ABCG2: variants seen among roughly 807,000 people sequenced by gnomAD.
ABCG2 encodes the protein broad substrate specificity ATP-binding cassette transporter ABCG2.
In ABCG2, 80 loss-of-function variants were observed where a neutral mutation model predicts 73.5. The ratio of observed to expected loss-of-function variants is 1.09; its 90% CI spans 0.91 to 1.31. The LOEUF (loss-of-function observed/expected upper bound fraction) is 1.31. Ranked by LOEUF, ABCG2 falls within the 50% of genes most tolerant of loss-of-function variation. The probability of loss-of-function intolerance (pLI) is 0.00; values close to 1 mark genes in which losing one functional copy is unlikely to be tolerated. For missense variants in ABCG2, 796 were observed against 786.2 expected (o/e 1.01, Z -0.15); for synonymous variants, 269 against 282.4 (o/e 0.95, Z 0.48).
intron 1 of ABCG2, among the ~76,000 whole-genome samples, chr4:88,184,810 G>T (rs151297142): frequency 0.014 from 2,057 of 152,286 alleles, 23 homozygotes; most frequent in Non-Finnish European, 0.021. Context: ...ATAGTACAGA[G>T]CTATAATAAC....
chr4:88,158,956 G>T (rs1228782496), upstream of ABCG2: 2 of 347,706 alleles, frequency 5.8e-6, no homozygotes, highest in Non-Finnish European at 5.6e-6. Flanking sequence ...CGGGGTTCGC[G>T]GGCGGGGGTG....
chr4:88,110,255 G>T (rs894624806), intron 9 of ABCG2, among the ~76,000 whole-genome samples: 12 of 151,688 alleles, frequency 7.9e-5, no homozygotes, highest in African/African-American at 2.9e-4. Flanking sequence ...TTAAGATAGG[G>T]TCTTGGCCAG....
At chr4:88,153,636 A>T (rs55786813) in intron 1 of ABCG2, among the ~76,000 whole-genome samples, 19,223 of 152,034 alleles carry the variant, frequency 0.13, 1,449 homozygotes, top group Middle Eastern at 0.17. Context: ...TGAACCGTAT[A>T]GAGGTGGGAA....
chr4:88,229,813 A>G (rs1730379593), intron 1 of ABCG2, among the ~76,000 whole-genome samples: 1 of 152,106 alleles, frequency 6.6e-6, no homozygotes, highest in African/African-American at 2.4e-5. Flanking sequence ...GTTTGGGACA[A>G]GGAACATACT....
At chr4:88,181,621 A>G (rs1728256972) in intron 1 of ABCG2, among the ~76,000 whole-genome samples, 2 of 151,922 alleles carry the variant, frequency 1.3e-5, no homozygotes, top group Non-Finnish European at 1.5e-5. Context: ...CTCCCAGCTA[A>G]TCAGAAGGCT....
At chr4:88,197,591 T>G (rs1342565857) in intron 1 of ABCG2, among the ~76,000 whole-genome samples, 2 of 152,102 alleles carry the variant, frequency 1.3e-5, no homozygotes, top group Admixed American at 6.6e-5. Context: ...CACTCCAGCC[T>G]GAGCAACAAA....
At chr4:88,093,913 T>C (rs1040348854) in intron 15 of ABCG2, among the ~76,000 whole-genome samples, 5 of 152,236 alleles carry the variant, frequency 3.3e-5, no homozygotes, top group African/African-American at 2.4e-5. Context: ...TTTAACATTA[T>C]GTGAAAACGG....
chr4:88,147,016 G>GGAAAGAAAGAAA (rs58050208), intron 1 of ABCG2, among the ~76,000 whole-genome samples: 1,808 of 125,228 alleles, frequency 0.014, 45 homozygotes, highest in African/African-American at 0.026. Flanking sequence ...AGAAAGAAAA[G>GGAAAGAAAGAAA]GAAAGAAAGA....
intron 1 of ABCG2, among the ~76,000 whole-genome samples, chr4:88,224,072 A>G (rs942527784): frequency 2.6e-5 from 4 of 152,156 alleles, no homozygotes; most frequent in Admixed American, 6.6e-5. Context: ...GTTAAGCTGT[A>G]GGAGTTCTTT....
chr4:88,144,269 C>A (rs562437907), intron 1 of ABCG2, among the ~76,000 whole-genome samples: 1 of 152,110 alleles, frequency 6.6e-6, no homozygotes, highest in Non-Finnish European at 1.5e-5. Flanking sequence ...CCAGCCGATT[C>A]ATGTTATTTG....
intron 12 of ABCG2, 23 bp from the exon 13 acceptor site, chr4:88,097,630 A>T (rs562736486): frequency 9.3e-6 from 15 of 1,612,316 alleles, no homozygotes; most frequent in Non-Finnish European, 1.3e-5. Context: ...GAGAAGAAGT[A>T]GTTAACCCAA....
intron 9 of ABCG2, among the ~76,000 whole-genome samples, chr4:88,111,628 G>A (rs1036953954): frequency 7.9e-5 from 12 of 151,954 alleles, no homozygotes; most frequent in East Asian, 1.9e-4. Context: ...AAGTTTAAAC[G>A]TCAGTAATAT....
At position 88,121,711 on chromosome 4, in the gene ABCG2, A is replaced by G. The variant is rs1226230338; in HGVS notation, c.613T>C (p.Ser205Pro). The change falls in exon 6 of 16, where the codon TCC becomes CCC. Residue 205 changes from serine to proline, a missense_variant. Transcript: ENST00000237612. ...GTAGGCTCATCCAAGAACAAGATGG[A>G]AGGATCAGTGATAAGCTCCATTCCT... is the stretch of plus-strand genomic sequence containing the variant. ...SIGMELITDP[S>P]ILFLDEPTTG... is the part of the protein sequence containing the mutation. 11 of 1,613,976 alleles carry G rather than the reference A, an allele frequency of 6.8e-6. No homozygotes were observed. Among genetic ancestry groups the G allele is most frequent in the Admixed American group, 5.0e-5 (3 of 60,004 alleles).
At chr4:88,142,735 G>A (rs901234180) in intron 1 of ABCG2, among the ~76,000 whole-genome samples, 7 of 152,076 alleles carry the variant, frequency 4.6e-5, no homozygotes, top group Non-Finnish European at 7.4e-5. Flanking sequence ...TCACTTGAAC[G>A]CAGGAATTCG....
intron 1 of ABCG2, among the ~76,000 whole-genome samples, chr4:88,199,016 T>C (rs1729047576): frequency 6.6e-6 from 1 of 152,122 alleles, no homozygotes; most frequent in Non-Finnish European, 1.5e-5. Context: ...TCACCCAGGC[T>C]GGAGTGCAGT....
At chr4:88,114,893 C>A in intron 8 of ABCG2, 64 bp downstream of exon 8, 2 of 1,073,832 alleles carry the variant, frequency 1.9e-6, no homozygotes, top group Non-Finnish European at 2.8e-6. Flanking sequence ...AATTAGCCAC[C>A]ACATTGCTAA....
intron 1 of ABCG2, among the ~76,000 whole-genome samples, chr4:88,215,200 G>A (rs1254254307): frequency 6.6e-6 from 1 of 152,160 alleles, no homozygotes; most frequent in Non-Finnish European, 1.5e-5. Flanking sequence ...TGGGGATAAA[G>A]TATAATATTC....
intron 9 of ABCG2, among the ~76,000 whole-genome samples, chr4:88,112,180 A>G (rs1226607032): frequency 6.6e-6 from 1 of 152,224 alleles, no homozygotes; most frequent in Non-Finnish European, 1.5e-5. Flanking sequence ...ACAAAGAAAC[A>G]TTATCTCATT....
intron 1 of ABCG2, among the ~76,000 whole-genome samples, chr4:88,185,340 GACA>G (rs1460849976): frequency 6.6e-6 from 1 of 152,196 alleles, no homozygotes; most frequent in Non-Finnish European, 1.5e-5. Context: ...CTCCAGCCTG[GACA>G]ACAAGAGTGA....
Sources: gnomAD v4.1 joint callset for allele counts (sites outside exome capture counted in the v4.1 genomes callset) on GRCh38, gnomAD v4.1.1 for gene constraint, MANE v1.5 for transcripts, NCBI Gene and HGNC (gene_info 2026-07-23, HGNC 2026-07-21) for gene names.